Variants in ARSJ observed in about 807,000 individuals in gnomAD.
ARSJ encodes arylsulfatase family member J, also known as arylsulfatase J.
ARSJ carries 26 observed loss-of-function variants against 35.9 expected under a neutral mutation model. That is an observed-to-expected ratio of 0.72 (90% CI 0.53 to 1.00). The LOEUF (loss-of-function observed/expected upper bound fraction) is 1.00, where lower values mean the gene tolerates loss of function less well. Among genes scored for constraint, ARSJ ranks in the 50% least tolerant of loss-of-function variants. The pLI, the probability that ARSJ is intolerant of heterozygous loss-of-function variation, is 0.00. For missense variants in ARSJ, 667 were observed against 723.6 expected (o/e 0.92, Z 0.90); for synonymous variants, 294 against 267.6 (o/e 1.10, Z -0.96).
chr4:113,921,406 T>A (rs747326604), intron 1 of ARSJ, among the ~76,000 whole-genome samples: 5 of 152,150 alleles, frequency 3.3e-5, no homozygotes, highest in Non-Finnish European at 7.4e-5. Flanking sequence ...ATATAAGCTC[T>A]TTTTCTTATT....
intron 1 of ARSJ, among the ~76,000 whole-genome samples, chr4:113,915,792 G>T (rs1305250583): frequency 6.6e-6 from 1 of 152,172 alleles, no homozygotes; most frequent in Non-Finnish European, 1.5e-5. Flanking sequence ...CCTCATTTCT[G>T]TCATCACTGA....
In ARSJ at chr4:113,978,820, G is replaced by C. The variant is rs759943532; in HGVS notation, c.15C>G (p.Gly5=). MAPR[G]CAGHPPPPSP... is the part of the protein sequence containing the mutation. ...AAGGCGGAGGCGGATGCCCCGCACA[G>C]CCCCTGGGAGCCATTCACTCAGGTC... Residue 5 remains glycine, a synonymous_variant, in exon 1 of 2, where the codon GGC becomes GGG. Coordinates refer to ENST00000315366, the MANE Select transcript of ARSJ (RefSeq NM_024590.4). The C allele has an allele frequency of 6.9e-6, 11 of 1,601,218 alleles. No homozygotes were observed. In the Admixed American group the frequency reaches 1.9e-4, roughly 28 times the overall value.
At chr4:113,918,681 G>A (rs961751594) in intron 1 of ARSJ, among the ~76,000 whole-genome samples, 12 of 151,964 alleles carry the variant, frequency 7.9e-5, no homozygotes, top group Admixed American at 4.6e-4. Context: ...TTATAAAACC[G>A]AAATAACAAA....
At chr4:113,959,181 T>C (rs1726385518) in intron 1 of ARSJ, among the ~76,000 whole-genome samples, 1 of 152,078 alleles carries the variant, frequency 6.6e-6, no homozygotes, top group Non-Finnish European at 1.5e-5. Flanking sequence ...TAGACATTTT[T>C]CTGAATGGCT....
chr4:113,901,970 GTGT>G lies in ARSJ; in HGVS notation c.*301_*303del. 1 of 545,184 alleles carries G rather than the reference GTGT, an allele frequency of 1.8e-6. No homozygotes were observed. Among genetic ancestry groups the G allele is most frequent in the Non-Finnish European group, 3.1e-6 (1 of 326,352 alleles). The allele number at this position is 545,184 out of a possible 1,614,324, so 33.8% of individuals were successfully genotyped here. A position where few individuals can be genotyped will look rare whatever the true frequency, so the allele number is the denominator to read the frequency against. ...TGTTCTCCTCCTATAATTCAAAGCA[GTGT>G]TTGGTCAGTTGACTGAAGCACAGCA... On this transcript the variant is annotated 3_prime_UTR_variant, in exon 2 of 2. Transcript: ENST00000315366.
chr4:113,920,304 A>C (rs537665869), intron 1 of ARSJ, among the ~76,000 whole-genome samples: 6 of 152,348 alleles, frequency 3.9e-5, no homozygotes, highest in Non-Finnish European at 8.8e-5. Context: ...ACAGATGAGC[A>C]GACTTAAACC....
chr4:113,947,875 G>A (rs949940225), intron 1 of ARSJ, among the ~76,000 whole-genome samples: 2 of 151,988 alleles, frequency 1.3e-5, no homozygotes, highest in Admixed American at 6.6e-5. Context: ...ATTTTCAAAA[G>A]TAAGCTTTTA....
chr4:113,958,400 A>G (rs1381258723), intron 1 of ARSJ, among the ~76,000 whole-genome samples: 1 of 152,110 alleles, frequency 6.6e-6, no homozygotes, highest in Non-Finnish European at 1.5e-5. Context: ...AGGCATTATC[A>G]ATATTATGAC....
At chr4:113,975,838 A>T (rs1727558383) in intron 1 of ARSJ, among the ~76,000 whole-genome samples, 1 of 152,188 alleles carries the variant, frequency 6.6e-6, no homozygotes, top group Admixed American at 6.5e-5. Context: ...CATGCTCATT[A>T]AATCACTATT....
At chr4:113,959,565 C>T (rs1554120324) in intron 1 of ARSJ, among the ~76,000 whole-genome samples, 2 of 151,992 alleles carry the variant, frequency 1.3e-5, no homozygotes, top group Non-Finnish European at 1.5e-5. Context: ...CTTATCTTTT[C>T]TGAATTTGTA....
chr4:113,971,132 C>T (rs1727220747), intron 1 of ARSJ, among the ~76,000 whole-genome samples: 1 of 151,932 alleles, frequency 6.6e-6, no homozygotes, highest in African/African-American at 2.4e-5. Context: ...CTGAAACAAA[C>T]TCTAATTATA....
chr4:113,979,112 AAAG>A lies in ARSJ; in HGVS notation c.-281_-279del. 5.9e-6 allele frequency: 2 copies of A among 337,914 alleles called. No individual in the cohort carries two copies. Among genetic ancestry groups the A allele is most frequent in the Non-Finnish European group, 1.1e-5 (2 of 185,792 alleles). The allele number at this position is 337,914 out of a possible 1,614,324, so 20.9% of individuals were successfully genotyped here. A position where few individuals can be genotyped will look rare whatever the true frequency, so the allele number is the denominator to read the frequency against. ...GAGCAGCTTCCACCAAGGAAAAAAA[AAAG>A]AAAAAAGTTAATATCTCCACCCAAA... On this transcript the variant is annotated 5_prime_UTR_variant, in exon 1 of 2. Coordinates refer to ENST00000315366, the MANE Select transcript of ARSJ (RefSeq NM_024590.4).
intron 1 of ARSJ, among the ~76,000 whole-genome samples, chr4:113,940,237 C>G (rs943884281): frequency 1.3e-5 from 2 of 152,090 alleles, no homozygotes; most frequent in Admixed American, 1.3e-4. Flanking sequence ...ATGGAATCAA[C>G]CCAAATGCCC....
chr4:113,929,608 G>C (rs1336503184), intron 1 of ARSJ, among the ~76,000 whole-genome samples: 1 of 152,134 alleles, frequency 6.6e-6, no homozygotes, highest in East Asian at 1.9e-4. Context: ...TTTAACAGTA[G>C]ACACCTGGTG....
At chr4:113,933,425 T>C (rs756391285) in intron 1 of ARSJ, among the ~76,000 whole-genome samples, 3 of 151,884 alleles carry the variant, frequency 2.0e-5, no homozygotes, top group Non-Finnish European at 2.9e-5. Context: ...CCAATATCAG[T>C]GATGAACAGG....
chr4:113,902,660 A>G lies in ARSJ; in HGVS notation c.1414T>C (p.Phe472Leu), dbSNP rs755357923. The change falls in exon 2 of 2, where the codon TTC becomes CTC. Residue 472 changes from phenylalanine (F) to leucine (L), a missense_variant. Phe to Leu is a conservative substitution (Grantham distance 22, BLOSUM62 0). Transcript: ENST00000315366. ...GYSDWVPPQS[F>L]SNLGPNRWHN... The stretch of plus-strand genomic sequence containing the variant: ...CACCGGTTCGGTCCCAGGTTGCTGA[A>G]AGACTGAGGGGGGACCCAGTCGCTG... 3 of 1,614,194 alleles carry G rather than the reference A, an allele frequency of 1.9e-6. No individual in the cohort carries two copies. The South Asian group carries it at 3.3e-5, about 18-fold the overall frequency.
rs1365853634 is a variant in ARSJ, at chr4:113,924,028, TATATATAA to T, written c.399-20361_399-20354del. ...CTACTATCTATAGAATCTACATATA[TATATATAA>T]ATATATATAAATATATATAAATATA... On this transcript the variant is annotated intron_variant, in intron 1 of 1. Transcript: ENST00000315366. Among the ~76,000 whole-genome samples, 5 of 3,734 alleles carry T rather than the reference TATATATAA, an allele frequency of 1.3e-3. No homozygotes were observed. In the Admixed American group the frequency reaches 0.019, roughly 14 times the overall value. The allele number at this position is 3,734 out of a possible 152,430, so 2.4% of individuals were successfully genotyped here.
intron 1 of ARSJ, among the ~76,000 whole-genome samples, chr4:113,928,637 G>A (rs1724231427): frequency 6.6e-6 from 1 of 152,116 alleles, no homozygotes; most frequent in East Asian, 1.9e-4. Flanking sequence ...GCCTTTGATG[G>A]TTGAGTGCCA....
chr4:113,964,100 T>A (rs1258436419), intron 1 of ARSJ, among the ~76,000 whole-genome samples: 1 of 152,086 alleles, frequency 6.6e-6, no homozygotes, highest in Admixed American at 6.6e-5. Flanking sequence ...TTAGCAAATC[T>A]CAGACTATTG....
Sources: gnomAD v4.1 joint callset for allele counts (sites outside exome capture counted in the v4.1 genomes callset) on GRCh38, gnomAD v4.1.1 for gene constraint, MANE v1.5 for transcripts, NCBI Gene and HGNC (gene_info 2026-07-23, HGNC 2026-07-21) for gene names.